The following TNC variants were observed in gnomAD, a reference collection of about 807,000 sequenced individuals.
The protein encoded by TNC is tenascin C, also known as tenascin.
A neutral mutation model predicts 202.4 loss-of-function variants in TNC; 109 were observed. The observed-to-expected ratio is 0.54, with a 90% CI of 0.46 to 0.63. The LOEUF is 0.63. TNC is among the 30% of genes least tolerant of loss of function. The probability of loss-of-function intolerance (pLI) is 0.00; values close to 1 mark genes in which losing one functional copy is unlikely to be tolerated. For missense variants in TNC, 2,756 were observed against 2,833.3 expected (o/e 0.97, Z 0.62); for synonymous variants, 1,007 against 1,089.7 (o/e 0.92, Z 1.50).
chr9:115,045,397 T>C (rs547634801), intron 17 of TNC, among the ~76,000 whole-genome samples: 6 of 152,240 alleles, frequency 3.9e-5, no homozygotes, highest in Non-Finnish European at 8.8e-5. Flanking sequence ...GACAGAGTCT[T>C]GCTCTGTCGT....
intron 1 of TNC, among the ~76,000 whole-genome samples, chr9:115,115,734 GCA>G (rs983472169): frequency 5.9e-5 from 9 of 152,268 alleles, no homozygotes; most frequent in African/African-American, 2.2e-4. Flanking sequence ...CAACCAGAAT[GCA>G]CACAGCCTGG....
intron 1 of TNC, among the ~76,000 whole-genome samples, chr9:115,111,399 C>CTTTTTTTTTTTTTT (rs71375272): frequency 1.4e-4 from 10 of 71,342 alleles, no homozygotes; most frequent in South Asian, 8.0e-4. Context: ...CTCTCTCTCT[C>CTTTTTTTTTTTTTT]TTTTTTTTTT....
In TNC at chr9:115,095,480, G is replaced by GTA. The variant is rs764913890; in HGVS notation, c.-136-4328_-136-4327dup. Among the ~76,000 whole-genome samples the GTA allele has an allele frequency of 1.2e-3, 51 of 43,652 alleles. 4 individuals carry two copies. The highest frequency in any genetic ancestry group is 4.2e-3 in the African/African-American group (47 of 11,088). 28.6% of individuals were successfully genotyped at this position (43,652 alleles called of 152,430 possible). ...TATGTATATATATATGTATATATAT[G>GTA]TATATATATATGTATATATATGTAT... On this transcript the variant is annotated intron_variant, in intron 1 of 27. Transcript: ENST00000350763.
intron 10 of TNC, among the ~76,000 whole-genome samples, chr9:115,071,820 A>G (rs1833490259): frequency 6.6e-6 from 1 of 152,172 alleles, no homozygotes; most frequent in African/African-American, 2.4e-5. Flanking sequence ...GCCCCTTGAC[A>G]CTTTATAACA....
chr9:115,050,118 G>A (rs1831534359), intron 15 of TNC, among the ~76,000 whole-genome samples: 1 of 152,110 alleles, frequency 6.6e-6, no homozygotes, highest in Non-Finnish European at 1.5e-5. Flanking sequence ...TTAGATAAGT[G>A]GCATCTCTCT....
At chr9:115,041,429 T>C (rs1264289561) in intron 18 of TNC, among the ~76,000 whole-genome samples, 1 of 152,210 alleles carries the variant, frequency 6.6e-6, no homozygotes, top group Non-Finnish European at 1.5e-5. Flanking sequence ...GGAAGCTTAC[T>C]ATGTAATGTA....
intron 1 of TNC, among the ~76,000 whole-genome samples, chr9:115,103,972 A>G (rs1014462059): frequency 2.6e-5 from 3 of 114,404 alleles, no homozygotes; most frequent in Non-Finnish European, 6.5e-5. Flanking sequence ...GACTAGATCC[A>G]TTGATACATT....
rs61415443 is a variant in TNC at position 115,045,541 on chromosome 9, ATTTTTT to A, written c.5125+863_5125+868del. On this transcript the variant is annotated intron_variant, in intron 17 of 27. Transcript: ENST00000350763. ...GGCACCACACCTGGCTAAGTTTTTG[ATTTTTT>A]TTTTTTTTTTTTTTTGCACAGGTAG... Among the ~76,000 whole-genome samples, 840 of 110,128 alleles carry A rather than the reference ATTTTTT, an allele frequency of 7.6e-3. 5 individuals are homozygous for A. The highest frequency in any genetic ancestry group is 0.023 in the African/African-American group (648 of 27,976). The allele number at this position is 110,128 out of a possible 152,430, so 72.2% of individuals were successfully genotyped here.
In TNC at chr9:115,035,199, A is replaced by G. The variant is rs769803792; in HGVS notation, c.5787+5T>C. 6.2e-6 allele frequency: 10 copies of G among 1,606,212 alleles called. No homozygotes were observed. The highest frequency in any genetic ancestry group is 7.6e-6 in the Non-Finnish European group (9 of 1,176,916). On this transcript the variant is annotated splice_donor_5th_base_variant and intron_variant, in intron 22 of 27. Coordinates refer to ENST00000350763, the MANE Select transcript of TNC (RefSeq NM_002160.4). ...CATTGAGGAGTTGTTATATACTTAA[A>G]ATACCTTGACTGTGCCATCCACTGA...
chr9:115,034,430 A>AAG lies in TNC; in HGVS notation c.5787+773_5787+774insCT, dbSNP rs1324728681. On this transcript the variant is annotated intron_variant, in intron 22 of 27. Transcript: ENST00000350763. ...CAACAGACATTGGGTGGATGTCTCCAACATGAAAGACAGAAACCCAAACCA... is the reference window on the plus strand; with the variant it reads ...CAACAGACATTGGGTGGATGTCTCCAAGACATGAAAGACAGAAACCCAAACCA... Among the ~76,000 whole-genome samples, 4 of 152,360 alleles carry AAG rather than the reference A, an allele frequency of 2.6e-5. 1 individual carries two copies. The highest frequency in any genetic ancestry group is 9.6e-5 in the African/African-American group (4 of 41,576).
chr9:115,028,619 C>T (rs1313293047), intron 25 of TNC, among the ~76,000 whole-genome samples: 1 of 152,002 alleles, frequency 6.6e-6, no homozygotes, highest in African/African-American at 2.4e-5. Context: ...CAATTTAACT[C>T]TGCCAATAGG....
intron 13 of TNC, among the ~76,000 whole-genome samples, chr9:115,060,384 C>T (rs148223946): frequency 3.9e-5 from 6 of 152,284 alleles, no homozygotes; most frequent in Non-Finnish European, 7.4e-5. Flanking sequence ...GATTAGAATC[C>T]CAATACTAGC....
intron 17 of TNC, among the ~76,000 whole-genome samples, chr9:115,043,546 C>T (rs1439886309): frequency 6.6e-6 from 1 of 152,220 alleles, no homozygotes; most frequent in Non-Finnish European, 1.5e-5. Flanking sequence ...TACCCACCCA[C>T]AGGGATGTTT....
At chr9:115,076,670 A>G (rs1288409456) in intron 7 of TNC, 95 bp from the exon 8 acceptor site, 4 of 1,383,748 alleles carry the variant, frequency 2.9e-6, no homozygotes, top group East Asian at 2.3e-5. Flanking sequence ...CGTGCCTGGA[A>G]CTGGAGAGAA....
intron 1 of TNC, among the ~76,000 whole-genome samples, chr9:115,096,390 C>T (rs763984806): frequency 6.6e-6 from 1 of 152,112 alleles, no homozygotes; most frequent in Non-Finnish European, 1.5e-5. Flanking sequence ...ACTTAAGAGC[C>T]CATGGGGCTT....
chr9:115,113,469 G>A (rs939380217), intron 1 of TNC, among the ~76,000 whole-genome samples: 6 of 152,166 alleles, frequency 3.9e-5, no homozygotes, highest in Non-Finnish European at 7.3e-5. Context: ...TAGCTATTAC[G>A]ATTATCCCCT....
chr9:115,098,340 T>C (rs922569415), intron 1 of TNC, among the ~76,000 whole-genome samples: 2 of 152,246 alleles, frequency 1.3e-5, no homozygotes, highest in African/African-American at 4.8e-5. Flanking sequence ...GCCTCTTGGC[T>C]TGCTGTCAAA....
intron 17 of TNC, among the ~76,000 whole-genome samples, 192 bp downstream of exon 17, chr9:115,046,218 G>A (rs1163280110): frequency 6.6e-6 from 1 of 152,172 alleles, no homozygotes; most frequent in Non-Finnish European, 1.5e-5. Flanking sequence ...ACCCTATTAA[G>A]TAAATGGCAT....
In TNC at chr9:115,026,541, C is replaced by A. The variant is rs751195565; in HGVS notation, c.6324G>T (p.Gly2108=). The change falls in exon 26 of 28, where the codon GGG becomes GGT. Residue 2108 remains glycine (G), a synonymous_variant. Transcript: ENST00000350763. ...GTGCAGCCACTACTGTACCTGCTGTCCCACTGTACCCCTCCACCTTCAGCT... is the reference window on the plus strand; with the variant it reads ...GTGCAGCCACTACTGTACCTGCTGTACCACTGTACCCCTCCACCTTCAGCT... ...RYKLKVEGYS[G]TAGDSMAYHN... 6.2e-7 allele frequency: 1 copy of A among 1,614,038 alleles called. No individual in the cohort carries two copies.
Sources: gnomAD v4.1 joint callset for allele counts (sites outside exome capture counted in the v4.1 genomes callset) on GRCh38, gnomAD v4.1.1 for gene constraint, MANE v1.5 for transcripts, NCBI Gene and HGNC (gene_info 2026-07-23, HGNC 2026-07-21) for gene names.